Variants in HACE1 observed in about 807,000 individuals in gnomAD.
The protein encoded by HACE1 is E3 ubiquitin-protein ligase HACE1.
A neutral mutation model predicts 118.4 loss-of-function variants in HACE1; 73 were observed. The ratio of observed to expected loss-of-function variants is 0.62; its 90% CI spans 0.51 to 0.75. The LOEUF (loss-of-function observed/expected upper bound fraction) is 0.75, where lower values mean the gene tolerates loss of function less well. HACE1 is among the 30% of genes least tolerant of loss of function. The probability of loss-of-function intolerance (pLI) is 0.00; values close to 1 mark genes in which losing one functional copy is unlikely to be tolerated. For synonymous variants in HACE1, 368 were observed against 374.8 expected (o/e 0.98, Z 0.21); for missense variants, 749 against 1,102.2 (o/e 0.68, Z 4.54).
chr6:104,778,118 T>C (rs1293234477), intron 14 of HACE1, among the ~76,000 whole-genome samples: 2 of 152,160 alleles, frequency 1.3e-5, no homozygotes, highest in African/African-American at 2.4e-5. Context: ...AATTGGAACG[T>C]AATTTGTTAT....
chr6:104,843,433 T>C (rs867081605), intron 4 of HACE1, 135 bp from the exon 5 acceptor site: 1 of 684,590 alleles, frequency 1.5e-6, no homozygotes, highest in Middle Eastern at 4.0e-4. Context: ...TATCAAGCCA[T>C]ATCTGCAATA....
intron 6 of HACE1, among the ~76,000 whole-genome samples, chr6:104,832,267 T>C (rs966708476): frequency 6.6e-6 from 1 of 152,362 alleles, no homozygotes. Flanking sequence ...AATGTGAATA[T>C]ACTACATTTA....
Position 104,859,701 on chromosome 6 carries a change from C to G in HACE1, c.-59G>C. 4.2e-6 allele frequency: 6 copies of G among 1,442,272 alleles called. No homozygotes were observed. Among genetic ancestry groups the G allele is most frequent in the Non-Finnish European group, 5.6e-6 (6 of 1,067,462 alleles). The allele number at this position is 1,442,272 out of a possible 1,614,324, so 89.3% of individuals were successfully genotyped here. A position where few individuals can be genotyped will look rare whatever the true frequency, so the allele number is the denominator to read the frequency against. On this transcript the variant is annotated 5_prime_UTR_variant, in exon 1 of 24. Transcript: ENST00000262903. ...GCCGCCCCACCGGCGGCCTCCGCGC[C>G]CAGAGCCCTACATCTCGCCTGGGCC...
chr6:104,744,643 T>C, intron 20 of HACE1, 33 bp from the exon 21 acceptor site: 1 of 1,240,754 alleles, frequency 8.1e-7, no homozygotes. Flanking sequence ...TTCAATAATT[T>C]TCTTTAGGGA....
chr6:104,738,020 G>A (rs1366104523), intron 22 of HACE1, among the ~76,000 whole-genome samples: 9 of 152,270 alleles, frequency 5.9e-5, no homozygotes, highest in East Asian at 1.9e-4. Context: ...CCTGACCCCC[G>A]AGCAGCCTAA....
At chr6:104,766,631 C>A (rs1326123975) in intron 19 of HACE1, among the ~76,000 whole-genome samples, 1 of 152,142 alleles carries the variant, frequency 6.6e-6, no homozygotes, top group Non-Finnish European at 1.5e-5. Flanking sequence ...AAAATGAAAT[C>A]GTTAAAACAT....
intron 20 of HACE1, among the ~76,000 whole-genome samples, chr6:104,747,477 A>T (rs1414068760): frequency 6.6e-6 from 1 of 152,046 alleles, no homozygotes; most frequent in Non-Finnish European, 1.5e-5. Context: ...AGACGTTTGT[A>T]CCAAATTTTT....
At chr6:104,857,205 AT>A (rs1776813280) in intron 1 of HACE1, among the ~76,000 whole-genome samples, 1 of 109,246 alleles carries the variant, frequency 9.2e-6, no homozygotes, top group African/African-American at 3.2e-5. Context: ...ATATTTACAT[AT>A]ATATATATAT....
rs1582771017 is a variant in HACE1, at chr6:104,849,071, T to C, written c.326+71A>G. 2.0e-5 allele frequency: 17 copies of C among 856,900 alleles called. No homozygotes were observed. In the East Asian group the frequency reaches 4.1e-4, roughly 21 times the overall value. The allele number at this position is 856,900 out of a possible 1,614,324, so 53.1% of individuals were successfully genotyped here. ...AATATCAGGGATGCGGGAGGAATCATCAAACGAAGGCAAAGTGCCTTGAAT... is the reference window on the plus strand; with the variant it reads ...AATATCAGGGATGCGGGAGGAATCACCAAACGAAGGCAAAGTGCCTTGAAT... On this transcript the variant is annotated intron_variant, in intron 4 of 23. Transcript: ENST00000262903.
chr6:104,823,572 A>G (rs1230644138), intron 6 of HACE1, among the ~76,000 whole-genome samples: 2 of 152,150 alleles, frequency 1.3e-5, no homozygotes, highest in East Asian at 3.8e-4. Flanking sequence ...ACATATTTTT[A>G]AAGTTTTCAA....
At chr6:104,852,193 A>C (rs1453365957) in intron 2 of HACE1, 124 bp downstream of exon 2, 4 of 492,726 alleles carry the variant, frequency 8.1e-6, no homozygotes, top group Non-Finnish European at 1.1e-5. Flanking sequence ...TCTATGTCCA[A>C]ACTGTCTGTG....
chr6:104,773,728 G>A (rs992614774), intron 17 of HACE1, among the ~76,000 whole-genome samples: 6 of 149,530 alleles, frequency 4.0e-5, no homozygotes, highest in East Asian at 2.0e-4. Flanking sequence ...ATTACTTTCT[G>A]AGAAATCTAG....
intron 19 of HACE1, among the ~76,000 whole-genome samples, chr6:104,757,456 G>A (rs900478773): frequency 6.6e-6 from 1 of 152,198 alleles, no homozygotes; most frequent in African/African-American, 2.4e-5. Context: ...TAAGGGGCCT[G>A]TTTGTTAGAA....
At chr6:104,753,059 A>G (rs181846859) in intron 19 of HACE1, among the ~76,000 whole-genome samples, 62 of 152,338 alleles carry the variant, frequency 4.1e-4, no homozygotes, top group African/African-American at 1.4e-3. Flanking sequence ...AACTGCTTCT[A>G]AAATGTTTCC....
chr6:104,831,918 A>AAGAAG (rs770162517), intron 6 of HACE1, among the ~76,000 whole-genome samples: 872 of 62,840 alleles, frequency 0.014, 49 homozygotes, highest in South Asian at 0.025. Context: ...AGAAAAGAGA[A>AAGAAG]AGAAGAGAAG....
At chr6:104,824,537 T>A (rs1241232605) in intron 6 of HACE1, among the ~76,000 whole-genome samples, 1 of 152,168 alleles carries the variant, frequency 6.6e-6, no homozygotes, top group East Asian at 1.9e-4. Flanking sequence ...AATAAATACA[T>A]AAAGGCTCTT....
intron 19 of HACE1, among the ~76,000 whole-genome samples, chr6:104,768,150 C>G (rs766844206): frequency 6.6e-6 from 1 of 152,108 alleles, no homozygotes; most frequent in East Asian, 1.9e-4. Context: ...TTTGGTTTCA[C>G]TTTATAATCA....
rs1029998691 is a variant in HACE1 at position 104,788,426 on chromosome 6, C to T, written c.1074+3078G>A. On this transcript the variant is annotated intron_variant, in intron 11 of 23. Transcript: ENST00000262903. Reference sequence around the variant, plus strand: ...TTCAAAATATACAATCTCGAGCTTACTGAACGATTTTTTAAAATTTCAAGA... The same window carrying T: ...TTCAAAATATACAATCTCGAGCTTATTGAACGATTTTTTAAAATTTCAAGA... 3.9e-5 allele frequency among the ~76,000 whole-genome samples: 6 copies of T among 152,120 alleles called. 2 individuals are homozygous for T. Among genetic ancestry groups the T allele is most frequent in the Admixed American group, 3.9e-4 (6 of 15,276 alleles).
At chr6:104,788,685 C>T (rs1782689995) in intron 11 of HACE1, among the ~76,000 whole-genome samples, 1 of 152,014 alleles carries the variant, frequency 6.6e-6, no homozygotes, top group African/African-American at 2.4e-5. Flanking sequence ...AAAAAAAGAA[C>T]ACAGCAAGAC....
Sources: gnomAD v4.1 joint callset for allele counts (sites outside exome capture counted in the v4.1 genomes callset) on GRCh38, gnomAD v4.1.1 for gene constraint, MANE v1.5 for transcripts, NCBI Gene and HGNC (gene_info 2026-07-23, HGNC 2026-07-21) for gene names.